The following SAMD3 variants were observed in gnomAD, a reference collection of about 807,000 sequenced individuals.
SAMD3 encodes sterile alpha motif domain-containing protein 3.
Under a neutral mutation model 58.5 loss-of-function variants are expected in SAMD3, and 63 were observed. The ratio of observed to expected loss-of-function variants is 1.08; its 90% CI spans 0.88 to 1.33. The LOEUF (loss-of-function observed/expected upper bound fraction) is 1.33. Among genes scored for constraint, SAMD3 ranks in the 40% most tolerant of loss-of-function variants. The pLI is 0.00. For missense variants in SAMD3, 604 were observed against 608.4 expected (o/e 0.99, Z 0.08); for synonymous variants, 220 against 210.3 (o/e 1.05, Z -0.40).
intron 1 of SAMD3, among the ~76,000 whole-genome samples, chr6:130,355,757 A>G (rs183796875): frequency 2.6e-5 from 4 of 152,348 alleles, no homozygotes; most frequent in African/African-American, 7.2e-5. Context: ...GAGAAGCACC[A>G]GTAAGAGGGG....
chr6:130,223,467 T>G (rs985105522), upstream of SAMD3, among the ~76,000 whole-genome samples: 1 of 152,192 alleles, frequency 6.6e-6, no homozygotes, highest in Non-Finnish European at 1.5e-5. Context: ...TTACAACTAT[T>G]TTTTTGGAGT....
At chr6:130,152,443 G>C (rs895207134) in intron 9 of SAMD3, among the ~76,000 whole-genome samples, 78 of 152,240 alleles carry the variant, frequency 5.1e-4, no homozygotes, top group African/African-American at 1.9e-3. Flanking sequence ...TTGGGAGGCT[G>C]AGGCAGGTGG....
At position 130,144,753 on chromosome 6, in the gene SAMD3, C is replaced by A. The variant is rs1788461726; in HGVS notation, c.1330G>T (p.Val444Phe). 3 of 1,614,032 alleles carry A rather than the reference C, an allele frequency of 1.9e-6. No homozygotes were observed. The highest frequency in any genetic ancestry group is 2.5e-6 in the Non-Finnish European group (3 of 1,179,984). ...TCTAAATATAAAGAAAATTCGCAGA[C>A]CTCCATGTTGAAAGGGTTTTTAACT... ...LEVKNPFNME[V>F]CEFSLYLERE... The change falls in exon 12 of 12, where the codon GTC becomes TTC. Residue 444 changes from valine to phenylalanine, a missense_variant. Transcript: ENST00000439090.
At chr6:130,240,138 T>C (rs909459160) in intron 2 of SAMD3, among the ~76,000 whole-genome samples, 2 of 152,140 alleles carry the variant, frequency 1.3e-5, no homozygotes, top group African/African-American at 2.4e-5. Flanking sequence ...ATGGAAAAAA[T>C]AGAAGAAGGA....
intron 2 of SAMD3, among the ~76,000 whole-genome samples, chr6:130,235,475 G>C (rs1773115416): frequency 6.6e-6 from 1 of 152,064 alleles, no homozygotes; most frequent in African/African-American, 2.4e-5. Context: ...TCATGGATTG[G>C]AAATCTAGAT....
chr6:130,174,080 A>T (rs905297321), intron 8 of SAMD3, among the ~76,000 whole-genome samples: 2 of 152,216 alleles, frequency 1.3e-5, no homozygotes, highest in Admixed American at 1.3e-4. Context: ...TGGCAGTGAG[A>T]ATTTCAAGCC....
At position 130,343,260 on chromosome 6, in the gene SAMD3, G is replaced by A. The variant is rs146119528; in HGVS notation, c.-304+21860C>T. On this transcript the variant is annotated intron_variant, in intron 1 of 13. Coordinates refer to the SAMD3 transcript ENST00000368134. Reference sequence around the variant, plus strand: ...AGTCAACTCCAAGTCTCCACAAATCGGGATCATAAGTGAGCTACCTATATC... The same window carrying A: ...AGTCAACTCCAAGTCTCCACAAATCAGGATCATAAGTGAGCTACCTATATC... 3.8e-3 allele frequency among the ~76,000 whole-genome samples: 576 copies of A among 151,804 alleles called. 6 individuals carry two copies. Among genetic ancestry groups the A allele is most frequent in the African/African-American group, 0.013 (550 of 41,384 alleles).
At chr6:130,288,088 C>T (rs1465048831) in intron 2 of SAMD3, among the ~76,000 whole-genome samples, 1 of 152,076 alleles carries the variant, frequency 6.6e-6, no homozygotes. Context: ...ATTAGGAAGC[C>T]CTTTTGTGAG....
Position 130,214,461 on chromosome 6 carries a change from T to C in SAMD3, c.145A>G (p.Lys49Glu). Reference sequence around the variant, plus strand: ...ATCAGAACAGCCTGGTGCCCAATTTTCTTTACCAGTTGCTGAACCATCCGA... The same window carrying C: ...ATCAGAACAGCCTGGTGCCCAATTTCCTTTACCAGTTGCTGAACCATCCGA... Reference protein sequence around the residue: ...NDRMVQQLVKKIGHQAVLMDL... With the variant: ...NDRMVQQLVKEIGHQAVLMDL... The change falls in exon 4 of 12, where the codon AAA becomes GAA. Residue 49 changes from lysine to glutamate, a missense_variant. Lys to Glu is a moderately conservative substitution (Grantham distance 56, BLOSUM62 1). Coordinates refer to ENST00000439090, the MANE Select transcript of SAMD3 (RefSeq NM_001017373.4). 2 of 1,613,400 alleles carry C rather than the reference T, an allele frequency of 1.2e-6. No homozygotes were observed. The highest frequency in any genetic ancestry group is 1.7e-6 in the Non-Finnish European group (2 of 1,179,660).
At chr6:130,363,530 ATGTGAG>A (rs1162080585) in intron 1 of SAMD3, among the ~76,000 whole-genome samples, 8 of 152,182 alleles carry the variant, frequency 5.3e-5, no homozygotes, top group African/African-American at 1.4e-4. Context: ...AACAAGTTTG[ATGTGAG>A]TGTATATATG....
chr6:130,273,423 T>G (rs1242016875), intron 2 of SAMD3, among the ~76,000 whole-genome samples: 1 of 152,142 alleles, frequency 6.6e-6, no homozygotes, highest in Non-Finnish European at 1.5e-5. Context: ...CAACATATAG[T>G]TGGGTCTCTT....
intron 2 of SAMD3, among the ~76,000 whole-genome samples, chr6:130,294,906 CTGATTTTTTTT>C (rs1775506771): frequency 2.2e-5 from 2 of 90,718 alleles, no homozygotes; most frequent in African/African-American, 7.6e-5. Flanking sequence ...ATACATTTCT[CTGATTTTTTTT>C]TTTTTTTTTT....
intron 5 of SAMD3, among the ~76,000 whole-genome samples, chr6:130,195,850 T>A (rs1794055741): frequency 6.6e-6 from 1 of 151,954 alleles, no homozygotes; most frequent in Admixed American, 6.6e-5. Context: ...ACCTTCTACA[T>A]CCTAGGCATG....
intron 1 of SAMD3, among the ~76,000 whole-genome samples, chr6:130,348,501 A>C (rs188677768): frequency 0.018 from 2,782 of 152,316 alleles, 21 homozygotes; most frequent in Non-Finnish European, 0.027. Flanking sequence ...ATAATGGTAA[A>C]GGGATCAATT....
chr6:130,319,615 CA>C (rs1776514435), intron 1 of SAMD3, among the ~76,000 whole-genome samples: 1 of 151,980 alleles, frequency 6.6e-6, no homozygotes, highest in Non-Finnish European at 1.5e-5. Flanking sequence ...CCCTGCCCTA[CA>C]AAAAATGTTG....
chr6:130,339,683 C>G (rs184941885), intron 1 of SAMD3, among the ~76,000 whole-genome samples: 1 of 152,124 alleles, frequency 6.6e-6, no homozygotes, highest in African/African-American at 2.4e-5. Flanking sequence ...TGAGAATGGA[C>G]GAAATCCACA....
intron 1 of SAMD3, among the ~76,000 whole-genome samples, chr6:130,335,915 CA>C (rs1453827023): frequency 2.6e-5 from 4 of 151,624 alleles, no homozygotes; most frequent in African/African-American, 9.7e-5. Context: ...ATCGCAAGAA[CA>C]AAAAACCAAA....
At chr6:130,334,887 C>G (rs905122316) in intron 1 of SAMD3, among the ~76,000 whole-genome samples, 3 of 152,190 alleles carry the variant, frequency 2.0e-5, no homozygotes, top group East Asian at 3.9e-4. Context: ...GTTATATTTA[C>G]AGTAGACAAA....
intron 1 of SAMD3, among the ~76,000 whole-genome samples, chr6:130,326,951 C>T (rs1409181617): frequency 6.6e-6 from 1 of 152,144 alleles, no homozygotes; most frequent in Admixed American, 6.5e-5. Flanking sequence ...TAATTTATTT[C>T]AGGTTTTTAA....
Sources: gnomAD v4.1 joint callset for allele counts (sites outside exome capture counted in the v4.1 genomes callset) on GRCh38, gnomAD v4.1.1 for gene constraint, MANE v1.5 for transcripts, NCBI Gene and HGNC (gene_info 2026-07-23, HGNC 2026-07-21) for gene names.